Variants in AGT observed in about 807,000 individuals in gnomAD.
The protein encoded by AGT is alpha-1 antiproteinase, antitrypsin.
In AGT, 26 loss-of-function variants were observed where a neutral mutation model predicts 28.1. That is an observed-to-expected ratio of 0.92 (90% CI 0.68 to 1.28). The LOEUF (loss-of-function observed/expected upper bound fraction) is 1.28. Ranked by LOEUF, AGT falls within the 50% of genes most tolerant of loss-of-function variation. The pLI is 0.00. For synonymous variants in AGT, 259 were observed against 259.6 expected (o/e 1.00, Z 0.02); for missense variants, 596 against 592.3 (o/e 1.01, Z -0.06).
chr1:230,739,360 G>T (rs1168107320), intron 1 of AGT, among the ~76,000 whole-genome samples: 1 of 151,888 alleles, frequency 6.6e-6, no homozygotes, highest in Admixed American at 6.6e-5. Context: ...AATAATAAAT[G>T]TCCAATCACA....
chr1:230,732,451 A>C (rs61826451), intron 1 of AGT, among the ~76,000 whole-genome samples: 9,366 of 152,052 alleles, frequency 0.062, 343 homozygotes, highest in African/African-American at 0.084. Flanking sequence ...TTGGTGAACT[A>C]CAGTTGATCC....
chr1:230,721,912 G>T (rs999260341), intron 1 of AGT, among the ~76,000 whole-genome samples: 1 of 152,234 alleles, frequency 6.6e-6, no homozygotes, highest in Non-Finnish European at 1.5e-5. Flanking sequence ...AGAAATTCAA[G>T]CCAGCTGCAC....
chr1:230,708,949 C>T (rs909528592), intron 2 of AGT, among the ~76,000 whole-genome samples: 4 of 152,224 alleles, frequency 2.6e-5, no homozygotes, highest in Non-Finnish European at 5.9e-5. Flanking sequence ...CCAAGCCAAC[C>T]GCCCCATCCT....
upstream of AGT, among the ~76,000 whole-genome samples, chr1:230,719,446 C>T (rs55890324): frequency 0.43 from 57,906 of 133,420 alleles, 14,229 homozygotes; most frequent in East Asian, 0.71. Flanking sequence ...CTCGCTCTGT[C>T]GCCCAGGCTG....
At chr1:230,710,963 A>C in intron 1 of AGT, 110 bp from the exon 2 acceptor site, 3 of 1,366,266 alleles carry the variant, frequency 2.2e-6, no homozygotes, top group Non-Finnish European at 3.0e-6. Flanking sequence ...TTAGCCCAGA[A>C]TAAATCCATT....
chr1:230,705,885 C>T lies in AGT; in HGVS notation c.1097+48G>A, dbSNP rs61757179. The T allele has an allele frequency of 7.3e-4, 1,176 of 1,609,456 alleles. 3 individuals are homozygous for T. Among genetic ancestry groups the T allele is most frequent in the South Asian group, 3.1e-3 (281 of 90,470 alleles). On this transcript the variant is annotated intron_variant, in intron 3 of 4. Transcript: ENST00000366667. ...CTCCCCACCCCGCCCCCAGCCTGGGCAGGACAGTGTGGCTCCCACATTCCA... is the reference window on the plus strand; with the variant it reads ...CTCCCCACCCCGCCCCCAGCCTGGGTAGGACAGTGTGGCTCCCACATTCCA...
In AGT at chr1:230,736,136, C is replaced by G. The variant is rs112918116; in HGVS notation, c.-31+9379G>C. Among the ~76,000 whole-genome samples, 239 of 152,020 alleles carry G rather than the reference C, an allele frequency of 1.6e-3. 2 individuals carry two copies. The highest frequency in any genetic ancestry group is 5.7e-3 in the African/African-American group (234 of 41,404). On this transcript the variant is annotated intron_variant, in intron 1 of 4. Coordinates refer to the AGT transcript ENST00000681269. ...AAAATTATTTTCTGCTTCCAAGCTT[C>G]TGAAACACATTTATGTTTAAGGCAA...
At chr1:230,707,901 C>T (rs1663441685) in intron 2 of AGT, among the ~76,000 whole-genome samples, 1 of 152,184 alleles carries the variant, frequency 6.6e-6, no homozygotes. Flanking sequence ...GGGCCAGCGC[C>T]CCATGCTCAG....
At chr1:230,717,076 C>A (rs896272652), upstream of AGT, among the ~76,000 whole-genome samples, 4 of 147,082 alleles carry the variant, frequency 2.7e-5, no homozygotes, top group Non-Finnish European at 6.0e-5. Context: ...TCCCTTAAAC[C>A]TTGATTTTAT....
At chr1:230,742,762 G>A (rs1360413960) in intron 1 of AGT, among the ~76,000 whole-genome samples, 1 of 152,132 alleles carries the variant, frequency 6.6e-6, no homozygotes, top group East Asian at 1.9e-4. Flanking sequence ...CCAACAGAGG[G>A]CACTAAGTGC....
chr1:230,729,324 C>T (rs1664007799), intron 1 of AGT, among the ~76,000 whole-genome samples: 1 of 152,214 alleles, frequency 6.6e-6, no homozygotes, highest in Admixed American at 6.5e-5. Flanking sequence ...AGGACAAATG[C>T]AACTTAAAAA....
chr1:230,717,343 T>C (rs1289160544), upstream of AGT, among the ~76,000 whole-genome samples: 1 of 152,062 alleles, frequency 6.6e-6, no homozygotes, highest in Non-Finnish European at 1.5e-5. Flanking sequence ...ACTCCTACTT[T>C]CCAATCTCTT....
chr1:230,719,564 T>C (rs1005971466), upstream of AGT, among the ~76,000 whole-genome samples: 76 of 152,152 alleles, frequency 5.0e-4, no homozygotes, highest in Non-Finnish European at 8.2e-4. Flanking sequence ...CCCGCCACCA[T>C]GCCCAGCTAA....
At position 230,737,222 on chromosome 1, in the gene AGT, G is replaced by A. The variant is rs189013399; in HGVS notation, c.-31+8293C>T. Among the ~76,000 whole-genome samples the A allele has an allele frequency of 1.6e-3, 239 of 152,184 alleles. 1 individual carries two copies. Among genetic ancestry groups the A allele is most frequent in the African/African-American group, 5.3e-3 (218 of 41,508 alleles). ...TTATACTGATCAGACTGCATTGCCC[G>A]CAAGAAAAACCCTGACACATGCAGG... On this transcript the variant is annotated intron_variant, in intron 1 of 4. Transcript: ENST00000681269.
chr1:230,729,392 T>C (rs992332964), intron 1 of AGT, among the ~76,000 whole-genome samples: 4 of 152,264 alleles, frequency 2.6e-5, no homozygotes, highest in Admixed American at 6.5e-5. Context: ...CCCTCTCTTA[T>C]TCTCAGAGCA....
Position 230,710,486 on chromosome 1 carries a change from C to T in AGT, c.338G>A (p.Ser113Asn), listed in dbSNP as rs779179920. The T allele has an allele frequency of 8.7e-6, 14 of 1,614,118 alleles. No individual in the cohort carries two copies. In the East Asian group the frequency reaches 2.4e-4, roughly 28 times the overall value. ...CCCATGGACCACGCCCCATAGCTCACTGTGCATGCCATATATACGGAAGCC... is the reference window on the plus strand; with the variant it reads ...CCCATGGACCACGCCCCATAGCTCATTGTGCATGCCATATATACGGAAGCC... The part of the protein sequence containing the change: ...FLGFRIYGMH[S>N]ELWGVVHGAT... The change falls in exon 2 of 5, where the codon AGT becomes AAT. Residue 113 changes from serine (S) to asparagine (N), a missense_variant. Transcript: ENST00000366667.
chr1:230,738,979 G>A (rs946837578), intron 1 of AGT, among the ~76,000 whole-genome samples: 3 of 152,060 alleles, frequency 2.0e-5, no homozygotes, highest in Non-Finnish European at 4.4e-5. Context: ...ACCTCCAGCA[G>A]CAAAGAATCT....
chr1:230,737,771 A>G (rs1197692594), intron 1 of AGT, among the ~76,000 whole-genome samples: 2 of 152,210 alleles, frequency 1.3e-5, no homozygotes, highest in Non-Finnish European at 2.9e-5. Flanking sequence ...ACCTATTTAA[A>G]GTGTACAATT....
rs766402725 is a variant in AGT, at chr1:230,706,203, G to A, written c.830-3C>T. The A allele has an allele frequency of 6.2e-7, 1 of 1,613,060 alleles. No homozygotes were observed. Among genetic ancestry groups the A allele is most frequent in the African/African-American group, 1.3e-5 (1 of 74,994 alleles). ...CAGGGAGAAGCCCTTCATCTTCCCT[G>A]AAATCCAGACAGGAGACAGGGAGGG... On this transcript the variant is annotated splice_polypyrimidine_tract_variant and splice_region_variant and intron_variant, in intron 2 of 4. Transcript: ENST00000366667.
Sources: allele counts gnomAD v4.1 joint callset (sites outside exome capture counted in the v4.1 genomes callset), GRCh38; gene constraint gnomAD v4.1.1; transcripts MANE v1.5; gene names NCBI Gene and HGNC (gene_info 2026-07-23, HGNC 2026-07-21).